The following DHX57 variants were observed in gnomAD, a reference collection of about 807,000 sequenced individuals.
The protein encoded by DHX57 is DExH-box helicase 57.
In DHX57, 105 loss-of-function variants were observed where a neutral mutation model predicts 156.2. The ratio of observed to expected loss-of-function variants is 0.67; its 90% CI spans 0.57 to 0.79. The LOEUF (loss-of-function observed/expected upper bound fraction) is 0.79. Ranked by LOEUF, DHX57 falls within the 30% of genes least tolerant of loss-of-function variation. DHX57 has a pLI of 0.00. For missense variants in DHX57, 1,847 were observed against 1,661.9 expected, an observed-to-expected ratio of 1.11 and a Z score of -1.94; for synonymous variants, 704 against 595.6, an observed-to-expected ratio of 1.18 and a Z score of -2.65.
chr2:38,848,192 CTACTTA>C, intron 10 of DHX57, 71 bp downstream of exon 10: 1 of 1,371,524 alleles, frequency 7.3e-7, no homozygotes, highest in Non-Finnish European at 9.8e-7. Context: ...GTATAAATAT[CTACTTA>C]TGTCTCAAAC....
At chr2:38,869,791 G>C (rs1487785040) in intron 1 of DHX57, among the ~76,000 whole-genome samples, 1 of 152,148 alleles carries the variant, frequency 6.6e-6, no homozygotes, top group Non-Finnish European at 1.5e-5. Context: ...AAAGTCACAA[G>C]GCATGCAAAG....
chr2:38,806,404 C>T, intron 22 of DHX57, 155 bp downstream of exon 22: 2 of 804,110 alleles, frequency 2.5e-6, no homozygotes, highest in South Asian at 2.7e-5. Flanking sequence ...AGAAATAGTC[C>T]AATTTCCAGT....
intron 17 of DHX57, 83 bp from the exon 18 acceptor site, chr2:38,819,227 T>A: frequency 7.6e-7 from 1 of 1,310,016 alleles, no homozygotes; most frequent in Non-Finnish European, 1.1e-6. Context: ...CAGGCTGGAG[T>A]GCAGTGGTGC....
intron 1 of DHX57, among the ~76,000 whole-genome samples, chr2:38,870,847 C>G (rs1205985988): frequency 1.3e-5 from 2 of 151,774 alleles, no homozygotes; most frequent in Non-Finnish European, 2.9e-5. Context: ...CCACTGCACT[C>G]CAGCCTGGGT....
chr2:38,834,011 G>C (rs1671519520), intron 13 of DHX57, among the ~76,000 whole-genome samples: 1 of 152,066 alleles, frequency 6.6e-6, no homozygotes, highest in Non-Finnish European at 1.5e-5. Flanking sequence ...TGCATCTAGA[G>C]AAATGTGAAC....
chr2:38,861,047 T>C lies in DHX57; in HGVS notation c.1363A>G (p.Lys455Glu), dbSNP rs780260183. The C allele has an allele frequency of 2.5e-6, 4 of 1,613,982 alleles. No individual in the cohort carries two copies. The Admixed American group carries it at 5.0e-5, about 20-fold the overall frequency. The change falls in exon 5 of 24, where the codon AAA (lysine) becomes GAA (glutamate). Residue 455 changes from lysine (K) to glutamate (E), a missense_variant. Physicochemically the swap from Lys to Glu is moderately conservative, Grantham distance 56 (BLOSUM62 1). Transcript: ENST00000457308. The part of the protein sequence containing the change: ...RTRINNPACH[K>E]TVIPNNSFVS... Reference sequence around the variant, plus strand: ...AAAGAATTATTTGGAATCACTGTTTTATGACAGGCAGGATTATTTATTCTG... The same window carrying C: ...AAAGAATTATTTGGAATCACTGTTTCATGACAGGCAGGATTATTTATTCTG...
intron 23 of DHX57, among the ~76,000 whole-genome samples, chr2:38,802,319 GCT>G (rs1367334067): frequency 4.1e-5 from 6 of 145,264 alleles, no homozygotes; most frequent in African/African-American, 1.5e-4. Context: ...AAGGAATCTC[GCT>G]CTGTTGCCGA....
At chr2:38,870,864 G>A (rs1234338192) in intron 1 of DHX57, among the ~76,000 whole-genome samples, 2 of 151,602 alleles carry the variant, frequency 1.3e-5, no homozygotes, top group African/African-American at 4.8e-5. Flanking sequence ...GGGTGACAGA[G>A]TGAGACTCCA....
At chr2:38,800,953 T>G (rs536769640) in intron 23 of DHX57, among the ~76,000 whole-genome samples, 29 of 152,336 alleles carry the variant, frequency 1.9e-4, no homozygotes, top group African/African-American at 7.0e-4. Context: ...TAATGTAAAC[T>G]ATCTTAATAA....
chr2:38,814,122 G>C (rs2148544833), intron 20 of DHX57, among the ~76,000 whole-genome samples: 1 of 152,164 alleles, frequency 6.6e-6, no homozygotes, highest in African/African-American at 2.4e-5. Context: ...ATTTTTAGTA[G>C]AGACAAGGTT....
intron 11 of DHX57, among the ~76,000 whole-genome samples, chr2:38,845,107 G>T (rs1320985119): frequency 1.3e-5 from 2 of 152,024 alleles, no homozygotes; most frequent in Non-Finnish European, 2.9e-5. Context: ...TGAGGTAACA[G>T]GATCACTTGG....
At chr2:38,873,072 C>T (rs562707760) in intron 1 of DHX57, among the ~76,000 whole-genome samples, 4 of 152,066 alleles carry the variant, frequency 2.6e-5, no homozygotes, top group Non-Finnish European at 5.9e-5. Flanking sequence ...ACAGCAACCT[C>T]CGCCTCCCAG....
intron 6 of DHX57, among the ~76,000 whole-genome samples, chr2:38,858,046 A>G (rs903377236): frequency 6.6e-6 from 1 of 152,036 alleles, no homozygotes; most frequent in Non-Finnish European, 1.5e-5. Context: ...TCTAAACCAC[A>G]GTATTTGTTT....
At chr2:38,848,540 G>A in intron 9 of DHX57, 138 bp from the exon 10 acceptor site, 1 of 855,526 alleles carries the variant, frequency 1.2e-6, no homozygotes, top group East Asian at 2.6e-5. Context: ...AGAACAATAT[G>A]TCCTGTTCTT....
At chr2:38,838,863 A>T (rs1388788732) in intron 12 of DHX57, 1 of 442,450 alleles carries the variant, frequency 2.3e-6, no homozygotes, top group East Asian at 7.3e-5. Context: ...CAATCTCCTA[A>T]TCTATCTGCG....
intron 23 of DHX57, among the ~76,000 whole-genome samples, chr2:38,800,145 A>C (rs981955858): frequency 9.4e-5 from 14 of 149,182 alleles, no homozygotes; most frequent in African/African-American, 3.5e-4. Context: ...AGATGGCACC[A>C]TGGCACTTCA....
At chr2:38,838,503 G>T (rs1171307198) in intron 12 of DHX57, among the ~76,000 whole-genome samples, 2 of 152,144 alleles carry the variant, frequency 1.3e-5, no homozygotes, top group Non-Finnish European at 1.5e-5. Flanking sequence ...ACCCAGATGG[G>T]CCACTTTTTA....
chr2:38,819,381 G>A (rs1180598639), intron 17 of DHX57, among the ~76,000 whole-genome samples: 1 of 152,162 alleles, frequency 6.6e-6, no homozygotes, highest in Non-Finnish European at 1.5e-5. Context: ...TCACCATGTT[G>A]TGCAGGCTGG....
At chr2:38,810,684 A>T in intron 21 of DHX57, 1 of 702,704 alleles carries the variant, frequency 1.4e-6, no homozygotes, top group Non-Finnish European at 2.6e-6. Context: ...GGGCAAAGTC[A>T]CACTGAGGGT....
Sources: gnomAD v4.1 joint callset for allele counts (sites outside exome capture counted in the v4.1 genomes callset) on GRCh38, gnomAD v4.1.1 for gene constraint, MANE v1.5 for transcripts, NCBI Gene and HGNC (gene_info 2026-07-23, HGNC 2026-07-21) for gene names.